The following MLPH variants were observed in gnomAD, a reference collection of about 807,000 sequenced individuals.
MLPH encodes the protein melanophilin.
MLPH carries 51 observed loss-of-function variants against 72.1 expected under a neutral mutation model. That is an observed-to-expected ratio of 0.71 (90% confidence interval 0.56 to 0.89). MLPH has a LOEUF of 0.89. Ranked by LOEUF, MLPH falls within the 40% of genes least tolerant of loss-of-function variation. MLPH has a pLI of 0.00. For missense variants in MLPH, 743 were observed against 759.9 expected, an observed-to-expected ratio of 0.98 and a Z score of 0.26; for synonymous variants, 301 against 310.1, an observed-to-expected ratio of 0.97 and a Z score of 0.31.
At chr2:237,506,012 T>C (rs931205388) in intron 2 of MLPH, among the ~76,000 whole-genome samples, 1 of 152,208 alleles carries the variant, frequency 6.6e-6, no homozygotes, top group Non-Finnish European at 1.5e-5. Context: ...ATCTCCCCAC[T>C]GTCTCCCATC....
intron 2 of MLPH, among the ~76,000 whole-genome samples, chr2:237,506,994 A>G (rs916240016): frequency 6.8e-6 from 1 of 147,744 alleles, no homozygotes; most frequent in Non-Finnish European, 1.5e-5. Flanking sequence ...AATTAACATC[A>G]TGTGTTGTTA....
rs186927424 is a variant in MLPH at position 237,503,260 on chromosome 2, G to A, written c.111-7314G>A. 2.0e-3 allele frequency among the ~76,000 whole-genome samples: 304 copies of A among 152,316 alleles called. 2 individuals carry two copies. The highest frequency in any genetic ancestry group is 6.8e-3 in the African/African-American group (282 of 41,566). ...AAATAGGGGCTAAAACAGGGACTCC[G>A]CTGCCAAGGCAGGGCCTGGAGGGGA... On this transcript the variant is annotated intron_variant, in intron 2 of 15. Coordinates refer to ENST00000264605, the MANE Select transcript of MLPH (RefSeq NM_024101.7).
At chr2:237,527,285 C>T (rs1266012442) in intron 7 of MLPH, 92 bp from the exon 8 acceptor site, 1 of 1,528,636 alleles carries the variant, frequency 6.5e-7, no homozygotes, top group African/African-American at 1.4e-5. Flanking sequence ...TCTTCATTTT[C>T]TTTGAGCCTC....
Position 237,514,740 on chromosome 2 carries a change from C to G in MLPH, c.445+3639C>G, listed in dbSNP as rs2079978109. ...CTCAGACACGGGCACCTGCAGGCCC[C>G]TTTAAAACCCTTGACAGCTTTTATC... On this transcript the variant is annotated intron_variant, in intron 4 of 15. Transcript: ENST00000264605. Among the ~76,000 whole-genome samples, 2 of 152,218 alleles carry G rather than the reference C, an allele frequency of 1.3e-5. 1 individual carries two copies. The highest frequency in any genetic ancestry group is 3.8e-4 in the East Asian group (2 of 5,200).
chr2:237,553,526 T>C, intron 15 of MLPH, 40 bp from the exon 16 acceptor site: 1 of 1,599,466 alleles, frequency 6.3e-7, no homozygotes, highest in South Asian at 1.1e-5. Context: ...TGCCTGTGTA[T>C]GTGTGTGCTT....
intron 8 of MLPH, among the ~76,000 whole-genome samples, chr2:237,531,871 C>T (rs1024632962): frequency 2.0e-5 from 3 of 152,046 alleles, no homozygotes; most frequent in African/African-American, 7.2e-5. Context: ...CTGGGGGGCC[C>T]TTATCTCCAA....
In MLPH at chr2:237,540,906, G is replaced by A; in HGVS notation, c.1395G>A (p.Leu465=). ...NRTTDEELSE[L]EDRVAVTASE... ...CCACAGATGAGGAGCTGTCAGAGCT[G>A]GAGGACAGAGTGGCAGTGACGGCCT... Residue 465 remains leucine (L), a synonymous_variant, in exon 11 of 16, where the codon CTG becomes CTA. Coordinates refer to ENST00000264605, the MANE Select transcript of MLPH (RefSeq NM_024101.7). 1.2e-6 allele frequency: 2 copies of A among 1,612,150 alleles called. No homozygotes were observed. The highest frequency in any genetic ancestry group is 1.1e-5 in the South Asian group (1 of 90,870).
At chr2:237,499,673 AT>A (rs2079606205) in intron 2 of MLPH, among the ~76,000 whole-genome samples, 1 of 152,258 alleles carries the variant, frequency 6.6e-6, no homozygotes, top group African/African-American at 2.4e-5. Context: ...ATAAATTGAC[AT>A]TAATAGTTCA....
rs760485304 is a variant in MLPH, at chr2:237,525,830, C to T, written c.880+25C>T. 8.7e-6 allele frequency: 14 copies of T among 1,605,048 alleles called. No individual in the cohort carries two copies. In the South Asian group the frequency reaches 1.5e-4, roughly 18 times the overall value. Reference sequence around the variant, plus strand: ...GGTAGGTGCCCTTGGCCAGGGTCTTCCTGATGGGCTCGGCATGGGGGAGCA... The same window carrying T: ...GGTAGGTGCCCTTGGCCAGGGTCTTTCTGATGGGCTCGGCATGGGGGAGCA... On this transcript the variant is annotated intron_variant, in intron 7 of 15. Coordinates refer to ENST00000264605, the MANE Select transcript of MLPH (RefSeq NM_024101.7).
intron 2 of MLPH, among the ~76,000 whole-genome samples, chr2:237,503,237 A>ATC (rs2079689465): frequency 6.6e-6 from 1 of 152,204 alleles, no homozygotes. Flanking sequence ...GATGAAAAAA[A>ATC]TAGGGGCTAA....
At chr2:237,495,203 T>C (rs2106459483) in intron 2 of MLPH, among the ~76,000 whole-genome samples, 1 of 152,290 alleles carries the variant, frequency 6.6e-6, no homozygotes, top group South Asian at 2.1e-4. Flanking sequence ...CCTTCCTCTT[T>C]CCCCTATGAG....
chr2:237,524,724 G>A (rs1377909365), intron 6 of MLPH, among the ~76,000 whole-genome samples: 2 of 152,230 alleles, frequency 1.3e-5, no homozygotes, highest in Non-Finnish European at 2.9e-5. Context: ...GAAGGCATGA[G>A]ACTCACAGGC....
At chr2:237,492,118 G>A (rs1192706450) in intron 1 of MLPH, among the ~76,000 whole-genome samples, 3 of 152,272 alleles carry the variant, frequency 2.0e-5, no homozygotes, top group East Asian at 3.9e-4. Flanking sequence ...GCCAGTCCAC[G>A]AACCACATTT....
intron 14 of MLPH, chr2:237,552,098 C>CA: frequency 2.0e-6 from 1 of 494,730 alleles, no homozygotes; most frequent in Admixed American, 3.4e-5. Context: ...TCCAGGGCCA[C>CA]AGTGAGGAAG....
At chr2:237,526,736 G>T (rs1384178791) in intron 7 of MLPH, among the ~76,000 whole-genome samples, 1 of 152,138 alleles carries the variant, frequency 6.6e-6, no homozygotes, top group Non-Finnish European at 1.5e-5. Flanking sequence ...TCTCACACAC[G>T]TTCTTTTTAC....
At chr2:237,506,435 G>C (rs2079772989) in intron 2 of MLPH, among the ~76,000 whole-genome samples, 2 of 152,174 alleles carry the variant, frequency 1.3e-5, no homozygotes, top group Admixed American at 6.5e-5. Context: ...ATTCAGCTGG[G>C]AGCATCGGCA....
rs910703218 is a variant in MLPH at position 237,541,757 on chromosome 2, G to A, written c.1446+800G>A. Among the ~76,000 whole-genome samples the A allele has an allele frequency of 1.3e-5, 2 of 152,242 alleles. No homozygotes were observed. Among genetic ancestry groups the A allele is most frequent in the Non-Finnish European group, 2.9e-5 (2 of 68,044 alleles). ...CGAAGCCCCAGCCTTCCTGGAGCTT[G>A]TTTTTAGTGGAAGGAGATAAACAGC... On this transcript the variant is annotated intron_variant, in intron 11 of 15. Coordinates refer to ENST00000264605, the MANE Select transcript of MLPH (RefSeq NM_024101.7). This position sits in a 1 kb window ranked among gnomAD's most constrained non-coding sequence, Gnocchi z 5.1.
At chr2:237,487,674 G>A (rs1210490017) in intron 1 of MLPH, among the ~76,000 whole-genome samples, 1 of 152,258 alleles carries the variant, frequency 6.6e-6, no homozygotes. Context: ...GCAGGCACGG[G>A]TGGGAGTGGG....
chr2:237,501,781 G>A (rs1413760006), intron 2 of MLPH, among the ~76,000 whole-genome samples: 5 of 151,626 alleles, frequency 3.3e-5, no homozygotes, highest in African/African-American at 7.3e-5. Context: ...CCTGGGAGGC[G>A]GAGGTTGCAT....
Sources: allele counts gnomAD v4.1 joint callset (sites outside exome capture counted in the v4.1 genomes callset), GRCh38; gene constraint gnomAD v4.1.1; non-coding constraint Gnocchi (gnomAD v3.1); transcripts MANE v1.5; gene names NCBI Gene and HGNC (gene_info 2026-07-23, HGNC 2026-07-21).